LRMDA: variants seen among roughly 807,000 people sequenced by gnomAD.
The protein encoded by LRMDA is leucine-rich melanocyte differentiation-associated protein.
Under a neutral mutation model 29.8 loss-of-function variants are expected in LRMDA, and 18 were observed. The observed-to-expected ratio is 0.60, with a 90% CI of 0.42 to 0.90. LRMDA has a LOEUF of 0.90. LRMDA is among the 40% of genes least tolerant of loss of function. The pLI is 0.00. For missense variants in LRMDA, 273 were observed against 273.9 expected (o/e 1.00, Z 0.02); for synonymous variants, 125 against 109.4 (o/e 1.14, Z -0.89).
At chr10:75,791,438 TTA>T (rs1843563395) in intron 2 of LRMDA, among the ~76,000 whole-genome samples, 2 of 152,158 alleles carry the variant, frequency 1.3e-5, no homozygotes, top group South Asian at 4.1e-4. Flanking sequence ...ATAAAGCCAT[TTA>T]TCATCAATAA....
rs867957863 is a variant in LRMDA at position 75,672,566 on chromosome 10, C to T, written c.131+234072C>T. 8.0e-4 allele frequency among the ~76,000 whole-genome samples: 9 copies of T among 11,262 alleles called. 2 individuals are homozygous for T. The highest frequency in any genetic ancestry group is 2.8e-3 in the African/African-American group (8 of 2,878). 7.4% of individuals were successfully genotyped at this position (11,262 alleles called of 152,430 possible). A position where few individuals can be genotyped will look rare whatever the true frequency, so the allele number is the denominator to read the frequency against. On this transcript the variant is annotated intron_variant, in intron 2 of 6. Transcript: ENST00000611255. ...CTCCCCTCCCCTCCCCTCCCCTCCC[C>T]TTCCCTTCCCTTCCCTTCCCTGCTT... is the stretch of plus-strand genomic sequence containing the variant.
chr10:75,433,319 AT>A (rs1674566788), intron 1 of LRMDA, among the ~76,000 whole-genome samples: 1 of 151,894 alleles, frequency 6.6e-6, no homozygotes, highest in Non-Finnish European at 1.5e-5. Flanking sequence ...CCTAGATTCG[AT>A]TTTTCCTGCA....
chr10:75,474,352 T>C (rs1161963384), intron 2 of LRMDA, among the ~76,000 whole-genome samples: 2 of 152,204 alleles, frequency 1.3e-5, no homozygotes, highest in Non-Finnish European at 2.9e-5. Context: ...CTCACAGTGC[T>C]GAAGGCTGGG....
chr10:76,023,924 T>G (rs903357073), intron 2 of LRMDA, among the ~76,000 whole-genome samples: 2 of 152,272 alleles, frequency 1.3e-5, no homozygotes, highest in African/African-American at 4.8e-5. Context: ...TTTGTCTTCA[T>G]GTACTGTATC....
At chr10:76,000,089 T>C (rs1310716928) in intron 2 of LRMDA, among the ~76,000 whole-genome samples, 1 of 152,228 alleles carries the variant, frequency 6.6e-6, no homozygotes, top group African/African-American at 2.4e-5. Flanking sequence ...AGAAATCTCT[T>C]CTCTTGAAGA....
chr10:76,365,107 T>TATATATATATATATATATATAC (rs141131236), intron 6 of LRMDA, among the ~76,000 whole-genome samples: 1 of 61,200 alleles, frequency 1.6e-5, no homozygotes, highest in Non-Finnish European at 4.3e-5. Flanking sequence ...TATATATATA[T>TATATATATATATATATATATAC]ACACACACAC....
At chr10:75,990,722 T>C (rs1847352788) in intron 2 of LRMDA, among the ~76,000 whole-genome samples, 1 of 152,158 alleles carries the variant, frequency 6.6e-6, no homozygotes, top group Admixed American at 6.6e-5. Flanking sequence ...ATTAAGAATA[T>C]TTGTGTAGAT....
intron 6 of LRMDA, among the ~76,000 whole-genome samples, chr10:76,434,091 A>C (rs533431120): frequency 6.6e-6 from 1 of 152,284 alleles, no homozygotes; most frequent in Non-Finnish European, 1.5e-5. Flanking sequence ...TAAAAAATAT[A>C]ATTCGTTTTC....
chr10:76,320,402 C>T (rs1219116824), intron 5 of LRMDA, among the ~76,000 whole-genome samples: 1 of 152,102 alleles, frequency 6.6e-6, no homozygotes, highest in Non-Finnish European at 1.5e-5. Context: ...TACATATTTA[C>T]CATCATCTGC....
chr10:75,816,572 T>C lies in LRMDA; in HGVS notation c.132-219436T>C, dbSNP rs1844065025. Reference sequence around the variant, plus strand: ...GAAGTTGTGGCATAGTCTGAGAGGCTCAAGAGGTTTGATTTTGCTCCTTTG... The same window carrying C: ...GAAGTTGTGGCATAGTCTGAGAGGCCCAAGAGGTTTGATTTTGCTCCTTTG... On this transcript the variant is annotated intron_variant, in intron 2 of 6. Transcript: ENST00000611255. Among the ~76,000 whole-genome samples, 3 of 152,340 alleles carry C rather than the reference T, an allele frequency of 2.0e-5. No homozygotes were observed. The South Asian group carries it at 6.2e-4, about 32-fold the overall frequency.
At chr10:76,239,441 T>C (rs1279334553) in intron 5 of LRMDA, among the ~76,000 whole-genome samples, 1 of 152,222 alleles carries the variant, frequency 6.6e-6, no homozygotes, top group African/African-American at 2.4e-5. Flanking sequence ...AAATATCTTT[T>C]TGTATCCAGT....
chr10:76,328,209 G>C (rs1334515913), intron 6 of LRMDA, among the ~76,000 whole-genome samples: 1 of 152,158 alleles, frequency 6.6e-6, no homozygotes, highest in African/African-American at 2.4e-5. Context: ...CATGTTATGA[G>C]GAGCGCTAAA....
At chr10:76,239,033 A>G (rs907738909) in intron 5 of LRMDA, among the ~76,000 whole-genome samples, 1 of 151,766 alleles carries the variant, frequency 6.6e-6, no homozygotes, top group African/African-American at 2.4e-5. Flanking sequence ...AACCAGGCCA[A>G]CTCCCAGGGG....
intron 6 of LRMDA, chr10:76,402,365 T>C (rs1350317826): frequency 6.6e-6 from 1 of 152,164 alleles, no homozygotes; most frequent in African/African-American, 2.4e-5. Context: ...TATTGTTCTT[T>C]TTTTAGAATT....
chr10:76,450,376 T>C (rs1231912471), intron 6 of LRMDA, among the ~76,000 whole-genome samples: 1 of 152,112 alleles, frequency 6.6e-6, no homozygotes, highest in Admixed American at 6.5e-5. Context: ...ATTTTAAATT[T>C]ATCATTGAGA....
chr10:75,909,224 C>T (rs968991654), intron 2 of LRMDA, among the ~76,000 whole-genome samples: 7 of 151,962 alleles, frequency 4.6e-5, no homozygotes, highest in African/African-American at 1.5e-4. Flanking sequence ...GAGGAGAACC[C>T]AAAGAAGTAA....
chr10:76,048,378 C>T (rs1848476121), intron 4 of LRMDA, among the ~76,000 whole-genome samples: 1 of 152,052 alleles, frequency 6.6e-6, no homozygotes, highest in Non-Finnish European at 1.5e-5. Context: ...AAGTACAGGG[C>T]TTATGAGGTT....
chr10:75,758,797 G>A (rs946092141), intron 2 of LRMDA, among the ~76,000 whole-genome samples: 20 of 151,992 alleles, frequency 1.3e-4, no homozygotes, highest in East Asian at 1.9e-4. Flanking sequence ...TCAGCTCAGC[G>A]GTTGTAAAAT....
rs77407655 is a variant in LRMDA, at chr10:75,951,693, G to A, written c.132-84315G>A. Among the ~76,000 whole-genome samples, 105 of 152,108 alleles carry A rather than the reference G, an allele frequency of 6.9e-4. 1 individual carries two copies. In the East Asian group the frequency reaches 0.01, roughly 15 times the overall value. ...AACCCCCAAATAGTTTTTTTTCCAC[G>A]GTGAAGAACTGGAATATTTCTGTGT... On this transcript the variant is annotated intron_variant, in intron 2 of 6. Coordinates refer to ENST00000611255, the MANE Select transcript of LRMDA (RefSeq NM_001305581.2).
Sources: allele counts gnomAD v4.1 joint callset (sites outside exome capture counted in the v4.1 genomes callset), GRCh38; gene constraint gnomAD v4.1.1; transcripts MANE v1.5; gene names NCBI Gene and HGNC (gene_info 2026-07-23, HGNC 2026-07-21).